The following EPHB1 variants were observed in gnomAD, a reference collection of about 807,000 sequenced individuals.
EPHB1 encodes ephrin type-B receptor 1.
Under a neutral mutation model 94.4 loss-of-function variants are expected in EPHB1, and 30 were observed. The observed-to-expected ratio is 0.32, with a 90% confidence interval of 0.24 to 0.43. The LOEUF is 0.43. Ranked by LOEUF, EPHB1 falls within the 20% of genes least tolerant of loss-of-function variation. EPHB1 has a pLI of 1.00. For synonymous variants in EPHB1, 522 were observed against 489.1 expected (o/e 1.07, Z -0.89); for missense variants, 1,055 against 1,308.3 (o/e 0.81, Z 2.99).
At chr3:134,835,725 T>C (rs998129507) in intron 1 of EPHB1, among the ~76,000 whole-genome samples, 6 of 152,158 alleles carry the variant, frequency 3.9e-5, no homozygotes, top group African/African-American at 1.4e-4. Flanking sequence ...AGGGTGTCTC[T>C]GTGAAGGGAA....
intron 3 of EPHB1, among the ~76,000 whole-genome samples, chr3:135,079,938 G>A (rs1938100629): frequency 6.6e-6 from 1 of 152,094 alleles, no homozygotes. Context: ...GTGTCCAGCG[G>A]GGTACCTGGA....
intron 12 of EPHB1, among the ~76,000 whole-genome samples, chr3:135,230,152 C>G (rs1322113415): frequency 1.3e-5 from 2 of 152,168 alleles, no homozygotes; most frequent in East Asian, 3.9e-4. Context: ...AAACACTGGA[C>G]GTGGCCTGGA....
chr3:134,863,428 C>T (rs1009532859), intron 1 of EPHB1, among the ~76,000 whole-genome samples: 1 of 152,288 alleles, frequency 6.6e-6, no homozygotes, highest in Non-Finnish European at 1.5e-5. Flanking sequence ...TTTGGGAGGC[C>T]AAGGCGGGCA....
At chr3:135,054,453 A>C (rs1452708673) in intron 3 of EPHB1, among the ~76,000 whole-genome samples, 1 of 152,188 alleles carries the variant, frequency 6.6e-6, no homozygotes, top group Non-Finnish European at 1.5e-5. Flanking sequence ...GTAAATGCTT[A>C]GAAAGGGGCG....
chr3:135,108,041 AC>A (rs1939290146), intron 4 of EPHB1, among the ~76,000 whole-genome samples: 1 of 152,176 alleles, frequency 6.6e-6, no homozygotes, highest in Admixed American at 6.5e-5. Flanking sequence ...GGATGTTCAG[AC>A]CAAAGACTAG....
chr3:134,985,611 T>C (rs1356866493), intron 3 of EPHB1, among the ~76,000 whole-genome samples: 3 of 152,206 alleles, frequency 2.0e-5, no homozygotes, highest in Non-Finnish European at 2.9e-5. Flanking sequence ...TGCCTCAGTT[T>C]CCTCTCTCTA....
intron 3 of EPHB1, among the ~76,000 whole-genome samples, chr3:135,042,716 G>T (rs1450016382): frequency 1.3e-5 from 2 of 152,188 alleles, no homozygotes; most frequent in Non-Finnish European, 2.9e-5. Flanking sequence ...CTCTAGGTAG[G>T]TAAGGTGCTG....
intron 5 of EPHB1, among the ~76,000 whole-genome samples, chr3:135,135,684 C>T (rs1250954309): frequency 6.6e-6 from 1 of 152,102 alleles, no homozygotes; most frequent in Non-Finnish European, 1.5e-5. Flanking sequence ...ATGGTATGAC[C>T]CCTCTCTGTG....
At chr3:135,071,681 G>T (rs890397855) in intron 3 of EPHB1, among the ~76,000 whole-genome samples, 2 of 152,132 alleles carry the variant, frequency 1.3e-5, no homozygotes, top group Admixed American at 6.6e-5. Flanking sequence ...AAAACTCATG[G>T]CTCTAAATGT....
intron 1 of EPHB1, among the ~76,000 whole-genome samples, chr3:134,814,747 A>G (rs1362347262): frequency 3.3e-5 from 5 of 152,214 alleles, no homozygotes; most frequent in Non-Finnish European, 7.4e-5. Flanking sequence ...GTTGCGTCCC[A>G]AGTCCCAGGG....
chr3:134,991,051 A>G (rs1934777713), intron 3 of EPHB1, among the ~76,000 whole-genome samples: 1 of 151,812 alleles, frequency 6.6e-6, no homozygotes, highest in African/African-American at 2.4e-5. Flanking sequence ...CTATGCTGCT[A>G]TATTTCTTTC....
chr3:134,900,274 C>G (rs961752395), intron 1 of EPHB1, among the ~76,000 whole-genome samples: 1 of 152,178 alleles, frequency 6.6e-6, no homozygotes, highest in Admixed American at 6.5e-5. Context: ...CCTTTTACAT[C>G]TTTAGGTCTC....
At chr3:135,186,132 C>T (rs941808968) in intron 10 of EPHB1, among the ~76,000 whole-genome samples, 7 of 152,192 alleles carry the variant, frequency 4.6e-5, no homozygotes, top group African/African-American at 1.7e-4. Context: ...TATATACACT[C>T]ATATGTGATA....
intron 1 of EPHB1, among the ~76,000 whole-genome samples, chr3:134,813,737 C>T (rs1384307616): frequency 6.6e-6 from 1 of 152,138 alleles, no homozygotes. Flanking sequence ...ACAGGCTTTC[C>T]AACACTGGGG....
chr3:134,836,232 G>A (rs1206813390), intron 1 of EPHB1, among the ~76,000 whole-genome samples: 7 of 152,164 alleles, frequency 4.6e-5, no homozygotes, highest in Non-Finnish European at 1.0e-4. Context: ...TGATTTGACA[G>A]CAACAGTCAA....
intron 1 of EPHB1, among the ~76,000 whole-genome samples, chr3:134,798,162 G>C (rs2035866499): frequency 6.6e-6 from 1 of 152,222 alleles, no homozygotes; most frequent in Non-Finnish European, 1.5e-5. Context: ...CTTTCCCCTG[G>C]GGTCTGCGGT....
In EPHB1 at chr3:135,031,013, T is replaced by G. The variant is rs187466700; in HGVS notation, c.806-75435T>G. Among the ~76,000 whole-genome samples the G allele has an allele frequency of 5.6e-3, 848 of 152,240 alleles. 8 individuals are homozygous for G. The highest frequency in any genetic ancestry group is 0.02 in the African/African-American group (814 of 41,550). On this transcript the variant is annotated intron_variant, in intron 3 of 15. Transcript: ENST00000398015. ...AGGTGCCGTCCATCACCCCTTTCTT[T>G]GATTAGGAAAGGGAACTCCCTGACC...
At chr3:134,923,868 G>T (rs184578530) in intron 1 of EPHB1, among the ~76,000 whole-genome samples, 164 of 152,270 alleles carry the variant, frequency 1.1e-3, no homozygotes, top group Non-Finnish European at 5.0e-4. Context: ...GGGAAGGGGA[G>T]GCAGTGGGAA....
chr3:134,919,765 T>C (rs1190234879), intron 1 of EPHB1, among the ~76,000 whole-genome samples: 3 of 152,128 alleles, frequency 2.0e-5, no homozygotes, highest in Non-Finnish European at 4.4e-5. Context: ...TGGCACCTAA[T>C]GCAGTCTGGA....
Sources: allele counts gnomAD v4.1 joint callset (sites outside exome capture counted in the v4.1 genomes callset), GRCh38; gene constraint gnomAD v4.1.1; transcripts MANE v1.5; gene names NCBI Gene and HGNC (gene_info 2026-07-23, HGNC 2026-07-21).